The following ATXN2 variants were observed in gnomAD, a reference collection of about 807,000 sequenced individuals.
The protein encoded by ATXN2 is ataxin 2, also known as ataxin-2.
A neutral mutation model predicts 138.6 loss-of-function variants in ATXN2; 37 were observed. That is an observed-to-expected ratio of 0.27 (90% CI 0.21 to 0.35). The LOEUF (loss-of-function observed/expected upper bound fraction) is 0.35, where lower values mean the gene tolerates loss of function less well. Ranked by LOEUF, ATXN2 falls within the 10% of genes least tolerant of loss-of-function variation. The pLI is 1.00. For missense variants in ATXN2, 1,216 were observed against 1,480.3 expected, an observed-to-expected ratio of 0.82 and a Z score of 2.93; for synonymous variants, 549 against 543.7, an observed-to-expected ratio of 1.01 and a Z score of -0.13.
At chr12:111,497,070 C>A (rs748787570) in intron 14 of ATXN2, among the ~76,000 whole-genome samples, 10 of 152,020 alleles carry the variant, frequency 6.6e-5, no homozygotes, top group Admixed American at 1.3e-4. Context: ...TCATTAGAGA[C>A]TACTATGAGC....
chr12:111,562,587 G>A (rs1357797223), intron 1 of ATXN2, among the ~76,000 whole-genome samples: 2 of 151,812 alleles, frequency 1.3e-5, no homozygotes, highest in African/African-American at 4.8e-5. Flanking sequence ...AGGAGTGGTG[G>A]CGCATGTCTG....
chr12:111,506,677 C>CT (rs1879138751), intron 14 of ATXN2, among the ~76,000 whole-genome samples: 1 of 149,688 alleles, frequency 6.7e-6, no homozygotes, highest in South Asian at 2.2e-4. Context: ...CACGGTCTCC[C>CT]TCTCCCTCTC....
chr12:111,593,444 A>G (rs1884781295), intron 1 of ATXN2, among the ~76,000 whole-genome samples: 1 of 152,086 alleles, frequency 6.6e-6, no homozygotes, highest in Non-Finnish European at 1.5e-5. Flanking sequence ...TAGCTACAAT[A>G]TGAGTTAACA....
chr12:111,506,634 C>CCCCCT (rs895410273), intron 14 of ATXN2, among the ~76,000 whole-genome samples: 1 of 146,840 alleles, frequency 6.8e-6, no homozygotes, highest in African/African-American at 2.5e-5. Flanking sequence ...CTCCCTCTCC[C>CCCCCT]CCCCTCCCCC....
intron 21 of ATXN2, among the ~76,000 whole-genome samples, chr12:111,460,021 A>C (rs1875446067): frequency 6.6e-6 from 1 of 152,182 alleles, no homozygotes. Flanking sequence ...CCGGCCTAAA[A>C]ATTTATTTTT....
In ATXN2 at chr12:111,581,250, C is replaced by T. The variant is rs550968620; in HGVS notation, c.251+17534G>A. On this transcript the variant is annotated intron_variant, in intron 1 of 24. Coordinates refer to ENST00000673436, the MANE Select transcript of ATXN2 (RefSeq NM_001372574.1). The stretch of plus-strand genomic sequence containing the variant: ...TAAATAACCCTCTTGGTCTCAATTT[C>T]TTCACCCGTAAATAGAATGAGTACT... 4.4e-4 allele frequency: 149 copies of T among 339,046 alleles called. 1 individual carries two copies. Among genetic ancestry groups the T allele is most frequent in the Admixed American group, 2.3e-3 (56 of 24,244 alleles). 21.0% of individuals were successfully genotyped at this position (339,046 alleles called of 1,614,324 possible). A position where few individuals can be genotyped will look rare whatever the true frequency, so the allele number is the denominator to read the frequency against.
In ATXN2 at chr12:111,457,239, C is replaced by T. The variant is rs374727874; in HGVS notation, c.3017G>A (p.Ser1006Asn). The change falls in exon 22 of 25, where the codon AGT (serine) becomes AAT (asparagine). Residue 1006 changes from serine to asparagine, a missense_variant. Physicochemically the swap from Ser to Asn is conservative, Grantham distance 46. Transcript: ENST00000673436. ...CTGAACAGGACTGGGTGCAGGATGACTTCCACCATGTTGGCTTTGCTGCTG... is the reference window on the plus strand; with the variant it reads ...CTGAACAGGACTGGGTGCAGGATGATTTCCACCATGTTGGCTTTGCTGCTG... Reference protein sequence around the residue: ...TGQQQSQHGGSHPAPSPVQHH... With the variant: ...TGQQQSQHGGNHPAPSPVQHH... 31 of 1,614,054 alleles carry T rather than the reference C, an allele frequency of 1.9e-5. No homozygotes were observed. Among genetic ancestry groups the T allele is most frequent in the Non-Finnish European group, 2.5e-5 (29 of 1,179,928 alleles).
At chr12:111,494,198 G>A (rs550204386) in intron 14 of ATXN2, among the ~76,000 whole-genome samples, 23 of 152,210 alleles carry the variant, frequency 1.5e-4, no homozygotes, top group Admixed American at 5.2e-4. Flanking sequence ...CCAAAGTGCT[G>A]GGATTACACA....
intron 3 of ATXN2, 53 bp from the exon 4 acceptor site, chr12:111,553,030 G>A (rs1013210692): frequency 3.0e-5 from 36 of 1,205,392 alleles, no homozygotes; most frequent in South Asian, 2.0e-4. Flanking sequence ...CCGGTCACCA[G>A]GGATATTTGT....
intron 18 of ATXN2, among the ~76,000 whole-genome samples, chr12:111,474,404 A>C (rs1304132798): frequency 1.3e-5 from 2 of 151,914 alleles, no homozygotes; most frequent in African/African-American, 2.4e-5. Context: ...TCTCAAAAAA[A>C]AACAAAAAAC....
chr12:111,489,380 C>T (rs1240582556), intron 14 of ATXN2, among the ~76,000 whole-genome samples: 3 of 151,762 alleles, frequency 2.0e-5, no homozygotes, highest in Non-Finnish European at 4.4e-5. Flanking sequence ...TTTGGGAGGC[C>T]AAGGCAGGCG....
intron 11 of ATXN2, 176 bp from the exon 12 acceptor site, chr12:111,510,758 C>A: frequency 2.0e-6 from 1 of 498,632 alleles, no homozygotes. Flanking sequence ...CAATCAAAAC[C>A]ACAAGTATAT....
chr12:111,586,669 A>G (rs562502981), intron 1 of ATXN2, among the ~76,000 whole-genome samples: 1 of 151,980 alleles, frequency 6.6e-6, no homozygotes, highest in African/African-American at 2.4e-5. Flanking sequence ...TACAGGGGTG[A>G]GCCACCACGC....
intron 1 of ATXN2, among the ~76,000 whole-genome samples, chr12:111,588,720 G>A (rs993650896): frequency 6.6e-5 from 10 of 151,864 alleles, no homozygotes; most frequent in East Asian, 1.9e-4. Context: ...GGCCGGACGC[G>A]GTGGCTCATG....
In ATXN2 at chr12:111,510,129, T is replaced by C. The variant is rs1044399133; in HGVS notation, c.1757-131A>G. ...CATTTAAACAGAGGCTTTTTTTCCT[T>C]TGCAGATGTCATATGAAACACCAAT... is the stretch of plus-strand genomic sequence containing the variant. On this transcript the variant is annotated intron_variant, in intron 12 of 24. Transcript: ENST00000673436. The C allele has an allele frequency of 7.8e-6, 6 of 764,488 alleles. No individual in the cohort carries two copies. In the African/African-American group the frequency reaches 8.8e-5, roughly 11 times the overall value. 47.4% of individuals were successfully genotyped at this position (764,488 alleles called of 1,614,324 possible).
intron 1 of ATXN2, among the ~76,000 whole-genome samples, chr12:111,572,399 C>T (rs925680234): frequency 7.0e-6 from 1 of 141,880 alleles, no homozygotes; most frequent in Non-Finnish European, 1.6e-5. Flanking sequence ...AAAACTCCAT[C>T]TCAAAAAAAA....
At chr12:111,559,274 T>C (rs774226413) in intron 1 of ATXN2, among the ~76,000 whole-genome samples, 21 of 151,596 alleles carry the variant, frequency 1.4e-4, no homozygotes, top group Non-Finnish European at 2.4e-4. Context: ...ATAATTTTTG[T>C]ATTCTTAGTA....
In ATXN2 at chr12:111,552,142, A is replaced by T; in HGVS notation, c.571+138T>A. The T allele has an allele frequency of 1.1e-6, 1 of 894,962 alleles. No homozygotes were observed. Among genetic ancestry groups the T allele is most frequent in the Non-Finnish European group, 1.6e-6 (1 of 632,772 alleles). The allele number at this position is 894,962 out of a possible 1,614,324, so 55.4% of individuals were successfully genotyped here. On this transcript the variant is annotated intron_variant, in intron 5 of 24. Coordinates refer to ENST00000673436, the MANE Select transcript of ATXN2 (RefSeq NM_001372574.1). The surrounding 1 kb of genome is among the most constrained non-coding windows in gnomAD (Gnocchi z 4.1). Reference sequence around the variant, plus strand: ...GTGATCCACCCGCCTCAGCCTCCCTAAGTGCTAAGATTACAGGAATGAGCC... The same window carrying T: ...GTGATCCACCCGCCTCAGCCTCCCTTAGTGCTAAGATTACAGGAATGAGCC...
intron 1 of ATXN2, among the ~76,000 whole-genome samples, chr12:111,589,568 T>TC (rs1205588167): frequency 6.6e-6 from 1 of 151,654 alleles, no homozygotes; most frequent in African/African-American, 2.4e-5. Flanking sequence ...GGTCGGGAGT[T>TC]CGAGACCAGC....
Sources: gnomAD v4.1 joint callset for allele counts (sites outside exome capture counted in the v4.1 genomes callset) on GRCh38, gnomAD v4.1.1 for gene constraint, Gnocchi (gnomAD v3.1) non-coding constraint, MANE v1.5 for transcripts, NCBI Gene and HGNC (gene_info 2026-07-23, HGNC 2026-07-21) for gene names.